TMC1: variants seen among roughly 807,000 people sequenced by gnomAD.
TMC1 encodes transmembrane channel like 1, also known as transmembrane channel-like protein 1.
In TMC1, 84 loss-of-function variants were observed where a neutral mutation model predicts 105.8. That is an observed-to-expected ratio of 0.79 (90% CI 0.67 to 0.95). TMC1 has a LOEUF of 0.95. TMC1 is among the 40% of genes least tolerant of loss of function. The probability of loss-of-function intolerance (pLI) is 0.00; values close to 1 mark genes in which losing one functional copy is unlikely to be tolerated. For missense variants in TMC1, 817 were observed against 914.1 expected (o/e 0.89, Z 1.37); for synonymous variants, 315 against 311.5 (o/e 1.01, Z -0.12).
chr9:72,755,907 T>C (rs1827670189), intron 12 of TMC1, among the ~76,000 whole-genome samples: 1 of 152,218 alleles, frequency 6.6e-6, no homozygotes, highest in Non-Finnish European at 1.5e-5. Flanking sequence ...TTTCAGCCCG[T>C]AATCTAGTCC....
At chr9:72,644,685 G>T (rs781148564) in intron 4 of TMC1, among the ~76,000 whole-genome samples, 7 of 152,128 alleles carry the variant, frequency 4.6e-5, no homozygotes, top group Non-Finnish European at 8.8e-5. Flanking sequence ...GGTAGTAAAA[G>T]TCTGCTATTT....
intron 18 of TMC1, among the ~76,000 whole-genome samples, chr9:72,806,071 G>T (rs185263698): frequency 0.1 from 15,810 of 151,918 alleles, 869 homozygotes; most frequent in Non-Finnish European, 0.13. Flanking sequence ...ACACCTCCCA[G>T]ACGGGGTGGT....
Position 72,537,140 on chromosome 9 carries a change from T to A in TMC1, c.-428+15227T>A, listed in dbSNP as rs972307511. On this transcript the variant is annotated intron_variant, in intron 1 of 23. Coordinates refer to ENST00000297784, the MANE Select transcript of TMC1 (RefSeq NM_138691.3). ...ATGGATGGAGCCAGAGTGGCCAGGA[T>A]GCAGACAGCAGCATCCTGAGGCAGC... Among the ~76,000 whole-genome samples, 7 of 152,298 alleles carry A rather than the reference T, an allele frequency of 4.6e-5. No individual in the cohort carries two copies. In the East Asian group the frequency reaches 1.4e-3, roughly 29 times the overall value.
At chr9:72,555,259 G>A (rs954130831) in intron 1 of TMC1, among the ~76,000 whole-genome samples, 1 of 142,320 alleles carries the variant, frequency 7.0e-6, no homozygotes, top group Non-Finnish European at 1.5e-5. Context: ...GCAATTGCAC[G>A]TTCTCCGCTC....
chr9:72,701,392 T>G (rs1826643692), intron 8 of TMC1, among the ~76,000 whole-genome samples: 1 of 152,138 alleles, frequency 6.6e-6, no homozygotes, highest in South Asian at 2.1e-4. Context: ...GATTCACCCC[T>G]GAGGATCACA....
At chr9:72,525,591 G>A (rs560249968) in intron 1 of TMC1, among the ~76,000 whole-genome samples, 11 of 152,302 alleles carry the variant, frequency 7.2e-5, no homozygotes, top group South Asian at 2.1e-4. Context: ...ACTGACAAAC[G>A]CAGAGCTTGT....
chr9:72,748,212 G>C (rs1331873785), intron 10 of TMC1, among the ~76,000 whole-genome samples: 1 of 152,142 alleles, frequency 6.6e-6, no homozygotes. Flanking sequence ...TGGCTTCCTT[G>C]TTTACTAGCT....
chr9:72,580,728 A>G (rs1250834486), intron 2 of TMC1, among the ~76,000 whole-genome samples: 1 of 152,220 alleles, frequency 6.6e-6, no homozygotes, highest in East Asian at 1.9e-4. Context: ...AAAACAAACA[A>G]GCAAACAAAC....
intron 14 of TMC1, 117 bp downstream of exon 14, chr9:72,788,600 G>C: frequency 1.8e-6 from 2 of 1,131,462 alleles, no homozygotes; most frequent in Non-Finnish European, 1.3e-6. Context: ...TTAACTCATG[G>C]TTTCTGCCTA....
At chr9:72,531,066 C>T (rs1386677420) in intron 1 of TMC1, among the ~76,000 whole-genome samples, 2 of 151,980 alleles carry the variant, frequency 1.3e-5, no homozygotes, top group Admixed American at 1.3e-4. Context: ...TCTCCATCTC[C>T]TGACCCCATG....
chr9:72,632,190 G>A (rs1401599999), intron 4 of TMC1, among the ~76,000 whole-genome samples: 1 of 151,568 alleles, frequency 6.6e-6, no homozygotes, highest in Non-Finnish European at 1.5e-5. Flanking sequence ...GAGATGGAGT[G>A]AGAGAGAGAG....
At chr9:72,581,505 C>T (rs1279082173) in intron 2 of TMC1, among the ~76,000 whole-genome samples, 1 of 152,178 alleles carries the variant, frequency 6.6e-6, no homozygotes, top group African/African-American at 2.4e-5. Context: ...TGTATTCTCA[C>T]TGGATTAGCA....
At chr9:72,681,764 A>G (rs1434033984) in intron 5 of TMC1, among the ~76,000 whole-genome samples, 1 of 151,930 alleles carries the variant, frequency 6.6e-6, no homozygotes, top group Admixed American at 6.6e-5. Context: ...TTTTGAGTAG[A>G]TTTTCTATTT....
chr9:72,684,041 T>C (rs1826336844), intron 5 of TMC1, among the ~76,000 whole-genome samples: 1 of 151,858 alleles, frequency 6.6e-6, no homozygotes, highest in Non-Finnish European at 1.5e-5. Context: ...TTTAACAAAG[T>C]ATCAGTCAGA....
chr9:72,669,643 C>T (rs12339514), intron 5 of TMC1, among the ~76,000 whole-genome samples: 2 of 151,278 alleles, frequency 1.3e-5, no homozygotes, highest in Non-Finnish European at 2.9e-5. Context: ...GGGGATGAGC[C>T]GATGTGAAAC....
In TMC1 at chr9:72,751,901, A is replaced by G. The variant is rs1042818751; in HGVS notation, c.587A>G (p.Tyr196Cys). 12 of 1,613,712 alleles carry G rather than the reference A, an allele frequency of 7.4e-6. No individual in the cohort carries two copies. Among genetic ancestry groups the G allele is most frequent in the Non-Finnish European group, 1.0e-5 (12 of 1,179,734 alleles). ...TACTTCCTCTTCTTGAGATGGATGT[A>G]TGGAGTCAATATGGTTCTCTTTATC... ...ASYFLFLRWM[Y>C]GVNMVLFILT... The change falls in exon 11 of 24, where the codon TAT (tyrosine) becomes TGT (cysteine). Residue 196 changes from tyrosine (Y) to cysteine (C), a missense_variant. Physicochemically the swap from Tyr to Cys is radical, Grantham distance 194. Transcript: ENST00000297784.
intron 1 of TMC1, among the ~76,000 whole-genome samples, chr9:72,555,130 C>T (rs1302253556): frequency 4.0e-5 from 6 of 151,558 alleles, no homozygotes; most frequent in African/African-American, 9.7e-5. Context: ...CCACCCGCCT[C>T]GGCCTCCCAA....
chr9:72,572,458 TC>T (rs1824305508), intron 1 of TMC1, among the ~76,000 whole-genome samples: 1 of 150,748 alleles, frequency 6.6e-6, no homozygotes, highest in African/African-American at 2.4e-5. Context: ...GCCTCCAAAC[TC>T]TCTTTATTTT....
At chr9:72,529,450 T>TA (rs1468121199) in intron 1 of TMC1, among the ~76,000 whole-genome samples, 1 of 152,108 alleles carries the variant, frequency 6.6e-6, no homozygotes, top group Non-Finnish European at 1.5e-5. Flanking sequence ...ACCCTGTCTC[T>TA]AAAAAAGAAA....
Sources: allele counts gnomAD v4.1 joint callset (sites outside exome capture counted in the v4.1 genomes callset), GRCh38; gene constraint gnomAD v4.1.1; transcripts MANE v1.5; gene names NCBI Gene and HGNC (gene_info 2026-07-23, HGNC 2026-07-21).